Variants in RNF20 observed in about 807,000 individuals in gnomAD.
The protein encoded by RNF20 is ring finger protein 20.
RNF20 carries 84 observed loss-of-function variants against 126.2 expected under a neutral mutation model. That is an observed-to-expected ratio of 0.67 (90% CI 0.56 to 0.80). The LOEUF is 0.80. Among genes scored for constraint, RNF20 ranks in the 30% least tolerant of loss-of-function variants. RNF20 has a pLI of 0.00. For synonymous variants in RNF20, 400 were observed against 414.3 expected (o/e 0.97, Z 0.42); for missense variants, 869 against 1,188.2 (o/e 0.73, Z 3.95).
intron 9 of RNF20, among the ~76,000 whole-genome samples, chr9:101,548,037 A>G (rs1827380041): frequency 6.6e-6 from 1 of 152,242 alleles, no homozygotes; most frequent in African/African-American, 2.4e-5. Flanking sequence ...CTCTATAAAA[A>G]AGAAATTAAG....
At chr9:101,555,828 G>A (rs1026729480) in intron 15 of RNF20, among the ~76,000 whole-genome samples, 2 of 151,176 alleles carry the variant, frequency 1.3e-5, no homozygotes, top group South Asian at 2.1e-4. Context: ...GCTTGGTGGC[G>A]CATGCCTGTA....
chr9:101,552,088 G>T, intron 11 of RNF20, 53 bp from the exon 12 acceptor site: 1 of 1,610,990 alleles, frequency 6.2e-7, no homozygotes, highest in Non-Finnish European at 8.5e-7. Context: ...TTCTCTCCTT[G>T]TGCCTTTGCC....
chr9:101,540,318 G>C lies in RNF20; in HGVS notation c.245G>C (p.Arg82Pro). ...LREHIEKLERRQATDDASLLI... is the reference protein window; with the variant it reads ...LREHIEKLERPQATDDASLLI... ...GAGCACATTGAAAAACTGGAACGAC[G>C]ACAGGCCACTGATGATGCCTCACTA... The change falls in exon 3 of 20, where the codon CGA becomes CCA. Residue 82 changes from arginine to proline, a missense_variant. Arg to Pro is a moderately radical substitution (Grantham distance 103). This residue lies in a region of RNF20 where 157 missense variants were observed against 236.0 expected (regional missense o/e 0.67). Transcript: ENST00000389120. 1 of 1,614,174 alleles carries C rather than the reference G, an allele frequency of 6.2e-7. No individual in the cohort carries two copies. The highest frequency in any genetic ancestry group is 8.5e-7 in the Non-Finnish European group (1 of 1,180,038).
intron 11 of RNF20, 144 bp from the exon 12 acceptor site, chr9:101,551,997 T>A: frequency 1.5e-6 from 2 of 1,314,050 alleles, no homozygotes; most frequent in Non-Finnish European, 2.1e-6. Context: ...AGTTGACCAG[T>A]TTTGTTTTCA....
chr9:101,553,090 G>A (rs368378488), intron 13 of RNF20, among the ~76,000 whole-genome samples: 79 of 152,226 alleles, frequency 5.2e-4, no homozygotes, highest in African/African-American at 1.6e-3. Flanking sequence ...GATTGCTGGC[G>A]TTAATTGTAA....
intron 16 of RNF20, among the ~76,000 whole-genome samples, chr9:101,559,667 G>A (rs902815724): frequency 1.3e-5 from 2 of 152,056 alleles, no homozygotes; most frequent in African/African-American, 4.8e-5. Context: ...TGCAGCTGTT[G>A]TCAAAGGGTT....
chr9:101,536,702 G>A (rs1827190076), intron 2 of RNF20, among the ~76,000 whole-genome samples: 1 of 152,190 alleles, frequency 6.6e-6, no homozygotes, highest in Non-Finnish European at 1.5e-5. Flanking sequence ...CAAGGGAATA[G>A]ACTGTTTAGA....
chr9:101,543,438 C>T (rs1827289774), intron 5 of RNF20, among the ~76,000 whole-genome samples: 1 of 151,602 alleles, frequency 6.6e-6, no homozygotes, highest in Non-Finnish European at 1.5e-5. Context: ...TCTAACTCTG[C>T]CAGGGCGGCA....
chr9:101,543,635 T>C (rs1281281125), intron 5 of RNF20, among the ~76,000 whole-genome samples: 2 of 152,244 alleles, frequency 1.3e-5, no homozygotes, highest in East Asian at 3.8e-4. Context: ...GCCAGGGCAG[T>C]ACTGTCTGTT....
In RNF20 at chr9:101,546,235, A is replaced by G. The variant is rs182451053; in HGVS notation, c.748-585A>G. ...GATTAATGTGAACTTGTAATAGTTTAGTAGTTAAAATACTAAATAGTGTTA... is the reference window on the plus strand; with the variant it reads ...GATTAATGTGAACTTGTAATAGTTTGGTAGTTAAAATACTAAATAGTGTTA... On this transcript the variant is annotated intron_variant, in intron 6 of 19. Transcript: ENST00000389120. Among the ~76,000 whole-genome samples the G allele has an allele frequency of 7.2e-5, 11 of 152,324 alleles. No individual in the cohort carries two copies. In the East Asian group the frequency reaches 1.9e-3, roughly 27 times the overall value.
chr9:101,548,156 TGTGA>T (rs1827382329), intron 9 of RNF20, among the ~76,000 whole-genome samples: 1 of 152,208 alleles, frequency 6.6e-6, no homozygotes, highest in Non-Finnish European at 1.5e-5. Flanking sequence ...TGTGTTTGTA[TGTGA>T]GTGTGTGTGT....
At chr9:101,541,174 A>G (rs1198834632) in intron 5 of RNF20, among the ~76,000 whole-genome samples, 199 bp downstream of exon 5, 1 of 151,940 alleles carries the variant, frequency 6.6e-6, no homozygotes, top group Non-Finnish European at 1.5e-5. Context: ...GAACTCAAGC[A>G]ATCTTTCTGC....
In RNF20 at chr9:101,550,742, A is replaced by G. The variant is rs369188639; in HGVS notation, c.1229A>G (p.His410Arg). ...AHLDEARTLL[H>R]GTRGTHQHQV... ...TTGGATGAGGCTCGGACCCTGCTTC[A>G]TGGCACCAGAGGAACCCACCAGCAC... Residue 410 changes from histidine to arginine, a missense_variant, in exon 10 of 20, where the codon CAT becomes CGT. By Grantham distance (29) the His-to-Arg change is conservative. Transcript: ENST00000389120. 6 of 1,614,104 alleles carry G rather than the reference A, an allele frequency of 3.7e-6. No homozygotes were observed. The African/African-American group carries it at 6.7e-5, about 18-fold the overall frequency.
At position 101,562,491 on chromosome 9, in the gene RNF20, C is replaced by G; in HGVS notation, c.*69C>G. 6.9e-7 allele frequency: 1 copy of G among 1,443,088 alleles called. No individual in the cohort carries two copies. Among genetic ancestry groups the G allele is most frequent in the South Asian group, 1.3e-5 (1 of 78,064 alleles). 89.4% of individuals were successfully genotyped at this position (1,443,088 alleles called of 1,614,324 possible). A position where few individuals can be genotyped will look rare whatever the true frequency, so the allele number is the denominator to read the frequency against. ...TTCATTAACCACCAAACCTCTACCT[C>G]TTCTCTCCTTGACTGTCACCTGTAG... On this transcript the variant is annotated 3_prime_UTR_variant, in exon 20 of 20. Coordinates refer to ENST00000389120, the MANE Select transcript of RNF20 (RefSeq NM_019592.7).
In RNF20 at chr9:101,561,086, A is replaced by G. The variant is rs200406988; in HGVS notation, c.2509-4A>G. ...GGTGTCACTTATTTGTACATCCTAC[A>G]TAGGCAATGGAGGCAGCCCAGCTTG... On this transcript the variant is annotated splice_polypyrimidine_tract_variant and splice_region_variant and intron_variant, in intron 17 of 19. Coordinates refer to ENST00000389120, the MANE Select transcript of RNF20 (RefSeq NM_019592.7). 1.9e-5 allele frequency: 30 copies of G among 1,613,512 alleles called. No individual in the cohort carries two copies. In the Admixed American group the frequency reaches 2.5e-4, roughly 13 times the overall value.
In RNF20 at chr9:101,535,398, G is replaced by A; in HGVS notation, c.-26G>A. The A allele has an allele frequency of 6.2e-7, 1 of 1,604,126 alleles. No individual in the cohort carries two copies. Among genetic ancestry groups the A allele is most frequent in the Non-Finnish European group, 8.5e-7 (1 of 1,176,908 alleles). On this transcript the variant is annotated splice_region_variant and 5_prime_UTR_variant, in exon 2 of 20. Transcript: ENST00000389120. Reference sequence around the variant, plus strand: ...CAGTTTCTGCCTTTTTTTCTATCAGGAAAACGACTGTCTTCTTCTGCCAAA... The same window carrying A: ...CAGTTTCTGCCTTTTTTTCTATCAGAAAAACGACTGTCTTCTTCTGCCAAA...
At chr9:101,536,301 T>C (rs1247398525) in intron 2 of RNF20, among the ~76,000 whole-genome samples, 1 of 152,252 alleles carries the variant, frequency 6.6e-6, no homozygotes, top group Non-Finnish European at 1.5e-5. Context: ...TTTTGCTTTT[T>C]TGAAAATCAG....
intron 5 of RNF20, among the ~76,000 whole-genome samples, chr9:101,541,419 A>T (rs1378777904): frequency 1.3e-5 from 2 of 152,160 alleles, no homozygotes; most frequent in Non-Finnish European, 2.9e-5. Flanking sequence ...GTTACTGGTA[A>T]TGTCTTCATT....
Position 101,540,934 on chromosome 9 carries a change from A to C in RNF20, c.587A>C (p.Gln196Pro). The change falls in exon 5 of 20, where the codon CAA (glutamine) becomes CCA (proline). Residue 196 changes from glutamine to proline, a missense_variant. This residue lies in a region of RNF20 where 103 missense variants were observed against 94.3 expected (regional missense o/e 1.09). Coordinates refer to ENST00000389120, the MANE Select transcript of RNF20 (RefSeq NM_019592.7). ...ATTGTGACTGTTTATGATAAATTGC[A>C]AGAAAAAGTGGAGCTCTTATCCCGG... ...SQIVTVYDKL[Q>P]EKVELLSRKL... is the part of the protein sequence containing the mutation. 1.2e-6 allele frequency: 2 copies of C among 1,614,086 alleles called. No individual in the cohort carries two copies. Among genetic ancestry groups the C allele is most frequent in the Non-Finnish European group, 8.5e-7 (1 of 1,180,008 alleles).
Sources: allele counts gnomAD v4.1 joint callset (sites outside exome capture counted in the v4.1 genomes callset), GRCh38; gene constraint gnomAD v4.1.1; regional missense constraint gnomAD v4.1.1; transcripts MANE v1.5; gene names NCBI Gene and HGNC (gene_info 2026-07-23, HGNC 2026-07-21).